Variants in GREB1L observed in about 807,000 individuals in gnomAD.
GREB1L encodes the protein GREB1-like protein.
Under a neutral mutation model 200.8 loss-of-function variants are expected in GREB1L, and 17 were observed. The ratio of observed to expected loss-of-function variants is 0.08; its 90% CI spans 0.06 to 0.13. The LOEUF (loss-of-function observed/expected upper bound fraction) is 0.13, where lower values mean the gene tolerates loss of function less well. Ranked by LOEUF, GREB1L falls within the 10% of genes least tolerant of loss-of-function variation. GREB1L has a pLI of 1.00. For synonymous variants in GREB1L, 789 were observed against 893.0 expected, an observed-to-expected ratio of 0.88 and a Z score of 2.08; for missense variants, 1,657 against 2,367.7, an observed-to-expected ratio of 0.70 and a Z score of 6.23.
chr18:21,337,803 A>G (rs892198257), intron 1 of GREB1L, among the ~76,000 whole-genome samples: 6 of 151,986 alleles, frequency 3.9e-5, no homozygotes, highest in African/African-American at 1.4e-4. Flanking sequence ...TGGTTAACAC[A>G]GTGAAACCCC....
chr18:21,508,986 C>T (rs2037131135), intron 27 of GREB1L, among the ~76,000 whole-genome samples: 1 of 152,040 alleles, frequency 6.6e-6, no homozygotes, highest in Non-Finnish European at 1.5e-5. Flanking sequence ...CAAGAGGGGC[C>T]CCTAGGTCAT....
chr18:21,408,934 A>G (rs1352669406), intron 7 of GREB1L, among the ~76,000 whole-genome samples: 2 of 152,184 alleles, frequency 1.3e-5, no homozygotes, highest in East Asian at 3.8e-4. Flanking sequence ...CATTGGTAAA[A>G]TGTGGCAGCC....
At chr18:21,320,127 G>A (rs1487164660) in intron 1 of GREB1L, among the ~76,000 whole-genome samples, 3 of 152,128 alleles carry the variant, frequency 2.0e-5, no homozygotes, top group Non-Finnish European at 4.4e-5. Flanking sequence ...ACATGAATCT[G>A]CTATAAATTG....
intron 16 of GREB1L, among the ~76,000 whole-genome samples, chr18:21,476,105 G>C (rs561882910): frequency 6.6e-6 from 1 of 151,784 alleles, no homozygotes; most frequent in South Asian, 2.1e-4. Flanking sequence ...GGGGTCGGGG[G>C]TGGCAAATAG....
chr18:21,335,931 G>A (rs1309932518), intron 1 of GREB1L, among the ~76,000 whole-genome samples: 1 of 152,028 alleles, frequency 6.6e-6, no homozygotes, highest in Non-Finnish European at 1.5e-5. Flanking sequence ...CCAAAGTGCT[G>A]GGATTACAGG....
chr18:21,344,189 C>A (rs1238308340), intron 1 of GREB1L, among the ~76,000 whole-genome samples: 1 of 152,154 alleles, frequency 6.6e-6, no homozygotes, highest in African/African-American at 2.4e-5. Context: ...ATCACGAGGT[C>A]AGGATATCGA....
chr18:21,405,614 A>G lies in GREB1L; in HGVS notation c.832+1620A>G, dbSNP rs565175937. Among the ~76,000 whole-genome samples, 6 of 152,262 alleles carry G rather than the reference A, an allele frequency of 3.9e-5. No individual in the cohort carries two copies. The South Asian group carries it at 1.2e-3, about 32-fold the overall frequency. On this transcript the variant is annotated intron_variant, in intron 7 of 32. Transcript: ENST00000424526. ...TCAGGAGTTCGAGACCGGCCTGGCCAACATGGCAAAACCCCGTCTCTATCA... is the reference window on the plus strand; with the variant it reads ...TCAGGAGTTCGAGACCGGCCTGGCCGACATGGCAAAACCCCGTCTCTATCA...
chr18:21,322,677 C>G (rs1232835047), intron 1 of GREB1L, among the ~76,000 whole-genome samples: 3 of 151,904 alleles, frequency 2.0e-5, no homozygotes. Context: ...GTATCTAAAG[C>G]TATGATAAAT....
intron 7 of GREB1L, among the ~76,000 whole-genome samples, chr18:21,408,038 T>C (rs2030480280): frequency 6.6e-6 from 1 of 152,132 alleles, no homozygotes. Flanking sequence ...AAAAATAAGT[T>C]CTAGTGTTTG....
At chr18:21,310,899 G>A (rs942315392) in intron 1 of GREB1L, among the ~76,000 whole-genome samples, 4 of 152,198 alleles carry the variant, frequency 2.6e-5, no homozygotes, top group Non-Finnish European at 5.9e-5. Flanking sequence ...GTGCTGTCTT[G>A]CACAACGCAC....
At chr18:21,356,783 C>G (rs1390946847) in intron 1 of GREB1L, among the ~76,000 whole-genome samples, 2 of 152,170 alleles carry the variant, frequency 1.3e-5, no homozygotes, top group South Asian at 2.1e-4. Context: ...AATTTACATT[C>G]TCACCAACAT....
chr18:21,440,383 G>C lies in GREB1L; in HGVS notation c.1064G>C (p.Arg355Thr). 1 of 1,551,630 alleles carries C rather than the reference G, an allele frequency of 6.4e-7. No individual in the cohort carries two copies. Residue 355 changes from arginine (R) to threonine (T), a missense_variant, in exon 9 of 33, where the codon AGA becomes ACA. By Grantham distance (71) the Arg-to-Thr change is moderately conservative (BLOSUM62 -1). This residue lies in a region of GREB1L where 289 missense variants were observed against 345.1 expected (regional missense o/e 0.84). Coordinates refer to ENST00000424526, the MANE Select transcript of GREB1L (RefSeq NM_001142966.3). Reference sequence around the variant, plus strand: ...GTCCCTACAGTTCGCCCTCTTTCAAGAACGGGTAAGATTTTAACAGAAGAT... The same window carrying C: ...GTCCCTACAGTTCGCCCTCTTTCAACAACGGGTAAGATTTTAACAGAAGAT... The part of the protein sequence containing the change: ...VPVPTVRPLS[R>T]TEPLLSAPVP...
At chr18:21,275,458 A>T (rs2038146967) in intron 1 of GREB1L, among the ~76,000 whole-genome samples, 3 of 151,966 alleles carry the variant, frequency 2.0e-5, no homozygotes, top group Non-Finnish European at 4.4e-5. Flanking sequence ...ATAAACAAAA[A>T]GCCTGGCCAA....
At chr18:21,454,665 C>A in intron 15 of GREB1L, 102 bp downstream of exon 15, 1 of 868,766 alleles carries the variant, frequency 1.2e-6, no homozygotes, top group South Asian at 1.5e-5. Context: ...TGCTTAAAAC[C>A]TTCTTCAGTA....
At chr18:21,360,705 ACTC>A (rs369279054) in intron 1 of GREB1L, among the ~76,000 whole-genome samples, 54 of 152,116 alleles carry the variant, frequency 3.5e-4, no homozygotes, top group African/African-American at 1.3e-3. Flanking sequence ...AATTAGAAAA[ACTC>A]CTCTCATTTA....
rs983013525 is a variant in GREB1L, at chr18:21,500,532, T to A, written c.3970-8T>A. The A allele has an allele frequency of 3.9e-6, 6 of 1,535,200 alleles. No individual in the cohort carries two copies. Among genetic ancestry groups the A allele is most frequent in the Non-Finnish European group, 5.3e-6 (6 of 1,133,118 alleles). ...CCACTCCTCCCCAATTAAAAATCTT[T>A]CCATTAGGTGGGAAAGACGGGCTCC... On this transcript the variant is annotated splice_region_variant and splice_polypyrimidine_tract_variant and intron_variant, in intron 22 of 32. Transcript: ENST00000424526.
intron 7 of GREB1L, among the ~76,000 whole-genome samples, chr18:21,425,454 A>G (rs1284413818): frequency 6.6e-6 from 1 of 152,226 alleles, no homozygotes; most frequent in African/African-American, 2.4e-5. Context: ...AACTCTATGT[A>G]AAATCATTTG....
chr18:21,441,188 A>G (rs977324311), intron 9 of GREB1L, among the ~76,000 whole-genome samples: 2 of 152,228 alleles, frequency 1.3e-5, no homozygotes, highest in Non-Finnish European at 2.9e-5. Flanking sequence ...AATGCTAAAT[A>G]GTAGTTGTAG....
At chr18:21,410,370 A>G (rs1235980176) in intron 7 of GREB1L, among the ~76,000 whole-genome samples, 1 of 152,030 alleles carries the variant, frequency 6.6e-6, no homozygotes, top group African/African-American at 2.4e-5. Context: ...AATATTATAT[A>G]TAAAGGCCAG....
Sources: allele counts gnomAD v4.1 joint callset (sites outside exome capture counted in the v4.1 genomes callset), GRCh38; gene constraint gnomAD v4.1.1; regional missense constraint gnomAD v4.1.1; transcripts MANE v1.5; gene names NCBI Gene and HGNC (gene_info 2026-07-23, HGNC 2026-07-21).